The following RAD23A variants were observed in gnomAD, a reference collection of about 807,000 sequenced individuals.
The protein encoded by RAD23A is RAD23 nucleotide excision repair protein A, also known as lysine-specific demethylase RAD23A.
RAD23A carries 16 observed loss-of-function variants against 44.8 expected under a neutral mutation model. The observed-to-expected ratio is 0.36, with a 90% CI of 0.24 to 0.54. RAD23A has a LOEUF of 0.54. Among genes scored for constraint, RAD23A ranks in the 20% least tolerant of loss-of-function variants. RAD23A has a pLI of 0.89. For synonymous variants in RAD23A, 217 were observed against 202.9 expected (o/e 1.07, Z -0.59); for missense variants, 380 against 483.3 (o/e 0.79, Z 2.00).
rs759572714 is a variant in RAD23A, at chr19:12,948,830, G to A, written c.600+17G>A. On this transcript the variant is annotated intron_variant, in intron 5 of 8. Transcript: ENST00000586534. This position sits in a 1 kb window ranked among gnomAD's most constrained non-coding sequence, Gnocchi z 5.5. ...CTGCTCACGGTGAGGTGGGGCTTCC[G>A]CCTCCCGGGGAGGCCTTGAGGGAGT... The A allele has an allele frequency of 5.7e-6, 9 of 1,585,892 alleles. No individual in the cohort carries two copies. Among genetic ancestry groups the A allele is most frequent in the Middle Eastern group, 1.7e-4 (1 of 5,882 alleles).
At chr19:12,949,875 G>T (rs148651661) in intron 7 of RAD23A, among the ~76,000 whole-genome samples, 2 of 151,918 alleles carry the variant, frequency 1.3e-5, no homozygotes, top group African/African-American at 4.8e-5. Flanking sequence ...CAGGAAGAGT[G>T]GGGGAGTGGC....
At chr19:12,946,981 C>T (rs543858188) in intron 1 of RAD23A, among the ~76,000 whole-genome samples, 3 of 152,086 alleles carry the variant, frequency 2.0e-5, no homozygotes, top group African/African-American at 7.2e-5. Flanking sequence ...GGAAGAGGAG[C>T]CCTTGAGCCT....
rs374205508 is a variant in RAD23A at position 12,952,986 on chromosome 19, G to C, written c.1029G>C (p.Ala343=). Reference sequence around the variant, plus strand: ...GCCTGGTCATCCAGGCCTATTTCGCGTGTGAAAAAAATGAGAACTTGGCTG... The same window carrying C: ...GCCTGGTCATCCAGGCCTATTTCGCCTGTGAAAAAAATGAGAACTTGGCTG... ...PESLVIQAYF[A]CEKNENLAAN... is the part of the protein sequence containing the mutation. Residue 343 remains alanine (A), a synonymous_variant, in exon 9 of 9, where the codon GCG becomes GCC. Coordinates refer to ENST00000586534, the MANE Select transcript of RAD23A (RefSeq NM_005053.4). 15 of 1,613,834 alleles carry C rather than the reference G, an allele frequency of 9.3e-6. No individual in the cohort carries two copies. The African/African-American group carries it at 1.1e-4, about 12-fold the overall frequency.
At chr19:12,946,069 T>TGGGGGGGGGGG in intron 1 of RAD23A, 49 bp downstream of exon 1, 1 of 171,592 alleles carries the variant, frequency 5.8e-6, no homozygotes, top group Non-Finnish European at 1.0e-5. Context: ...GTTTCGGGGG[T>TGGGGGGGGGGG]GGGGTGGGGG....
intron 7 of RAD23A, chr19:12,949,683 G>A (rs1971755766): frequency 1.9e-6 from 1 of 513,484 alleles, no homozygotes; most frequent in South Asian, 2.5e-5. Context: ...TCACGCAGCT[G>A]GTAGTGTGTG....
At chr19:12,949,538 C>G (rs1038956467) in intron 7 of RAD23A, 130 bp downstream of exon 7, 103 of 1,252,902 alleles carry the variant, frequency 8.2e-5, no homozygotes, top group Non-Finnish European at 1.1e-4. Context: ...CCCCCACGCC[C>G]CTGTGCTTCC....
chr19:12,949,072 C>A lies in RAD23A; in HGVS notation c.601-9C>A, dbSNP rs1345536798. ...TCTGTGCATTAGAACTAAACAGGACCCCTGACAGGGAATTCCTGGGAGCCC... is the reference window on the plus strand; with the variant it reads ...TCTGTGCATTAGAACTAAACAGGACACCTGACAGGGAATTCCTGGGAGCCC... On this transcript the variant is annotated splice_polypyrimidine_tract_variant and intron_variant, in intron 5 of 8. Coordinates refer to ENST00000586534, the MANE Select transcript of RAD23A (RefSeq NM_005053.4). The A allele has an allele frequency of 3.1e-6, 5 of 1,609,544 alleles. No homozygotes were observed. The highest frequency in any genetic ancestry group is 4.2e-6 in the Non-Finnish European group (5 of 1,178,056).
rs761953111 is a variant in RAD23A, at chr19:12,953,097, G to T, written c.*48G>T. 3.7e-6 allele frequency: 5 copies of T among 1,347,896 alleles called. No homozygotes were observed. In the African/African-American group the frequency reaches 7.4e-5, roughly 20 times the overall value. The allele number at this position is 1,347,896 out of a possible 1,614,324, so 83.5% of individuals were successfully genotyped here. A position where few individuals can be genotyped will look rare whatever the true frequency, so the allele number is the denominator to read the frequency against. ...AGCCCCCACCCTACCCTTATTCCAT[G>T]AAAGTTTTATAAAAGAAAAAATATA... On this transcript the variant is annotated 3_prime_UTR_variant, in exon 9 of 9. Coordinates refer to ENST00000586534, the MANE Select transcript of RAD23A (RefSeq NM_005053.4).
At position 12,948,070 on chromosome 19, in the gene RAD23A, T is replaced by G. The variant is rs907285449; in HGVS notation, c.234+61T>G. The G allele has an allele frequency of 4.4e-6, 7 of 1,607,660 alleles. No homozygotes were observed. The African/African-American group carries it at 6.7e-5, about 15-fold the overall frequency. On this transcript the variant is annotated intron_variant, in intron 2 of 8. Coordinates refer to ENST00000586534, the MANE Select transcript of RAD23A (RefSeq NM_005053.4). This position sits in a 1 kb window ranked among gnomAD's most constrained non-coding sequence, Gnocchi z 5.5. ...CGAGCTGGGGAGCTGGCAAAGAGCC[T>G]GTGTGCCCAGGAGAGATTAGCTGTG...
chr19:12,949,071 C>T lies in RAD23A; in HGVS notation c.601-10C>T, dbSNP rs945194738. 5 of 1,609,530 alleles carry T rather than the reference C, an allele frequency of 3.1e-6. No individual in the cohort carries two copies. The highest frequency in any genetic ancestry group is 4.2e-6 in the Non-Finnish European group (5 of 1,177,930). On this transcript the variant is annotated splice_polypyrimidine_tract_variant and intron_variant, in intron 5 of 8. Transcript: ENST00000586534. ...GTCTGTGCATTAGAACTAAACAGGA[C>T]CCCTGACAGGGAATTCCTGGGAGCC...
chr19:12,950,760 T>C (rs1971790159), intron 7 of RAD23A, among the ~76,000 whole-genome samples: 1 of 152,156 alleles, frequency 6.6e-6, no homozygotes, highest in African/African-American at 2.4e-5. Flanking sequence ...ATGGTAGAGT[T>C]ATATCAGAGC....
In RAD23A at chr19:12,948,563, G is replaced by A. The variant is rs527819221; in HGVS notation, c.472+11G>A. 8 of 1,589,356 alleles carry A rather than the reference G, an allele frequency of 5.0e-6. No homozygotes were observed. The South Asian group carries it at 9.1e-5, about 18-fold the overall frequency. On this transcript the variant is annotated intron_variant, in intron 4 of 8. Transcript: ENST00000586534. This position sits in a 1 kb window ranked among gnomAD's most constrained non-coding sequence, Gnocchi z 5.5. ...CGGCCTCCACGCTAGGTGGGTGGGT[G>A]GTCCCCAGGGCAGAGGTGACTGGGT...
Position 12,946,029 on chromosome 19 carries a change from C to T in RAD23A, c.72+9C>T, listed in dbSNP as rs760590970. On this transcript the variant is annotated intron_variant, in intron 1 of 8. Coordinates refer to ENST00000586534, the MANE Select transcript of RAD23A (RefSeq NM_005053.4). Reference sequence around the variant, plus strand: ...TGGAGCCTGACGAGACGGTGCGGGCCGGGCCGGAGCCCGGGGGCGGGAGCG... The same window carrying T: ...TGGAGCCTGACGAGACGGTGCGGGCTGGGCCGGAGCCCGGGGGCGGGAGCG... 7.9e-6 allele frequency: 8 copies of T among 1,012,430 alleles called. No homozygotes were observed. The highest frequency in any genetic ancestry group is 7.9e-5 in the East Asian group (1 of 12,646). 62.7% of individuals were successfully genotyped at this position (1,012,430 alleles called of 1,614,324 possible).
chr19:12,952,762 A>T lies in RAD23A; in HGVS notation c.887A>T (p.Asp296Val), dbSNP rs773739832. The change falls in exon 8 of 9, where the codon GAT becomes GTT. Residue 296 changes from aspartate (D) to valine (V), a missense_variant. By Grantham distance (152) the Asp-to-Val change is radical. Coordinates refer to ENST00000586534, the MANE Select transcript of RAD23A (RefSeq NM_005053.4). ...CCTGGGGAGCTGGCGGACATCTCAGATGTGGAGGGGGAGGTGGGCGCCATA... is the reference window on the plus strand; with the variant it reads ...CCTGGGGAGCTGGCGGACATCTCAGTTGTGGAGGGGGAGGTGGGCGCCATA... ...EPPGELADIS[D>V]VEGEVGAIGE... The T allele has an allele frequency of 8.7e-6, 14 of 1,613,540 alleles. No individual in the cohort carries two copies. In the South Asian group the frequency reaches 1.2e-4, roughly 14 times the overall value.
intron 1 of RAD23A, among the ~76,000 whole-genome samples, chr19:12,947,254 T>C (rs1025200448): frequency 6.6e-6 from 1 of 152,136 alleles, no homozygotes; most frequent in East Asian, 1.9e-4. Context: ...GAGACTCTTA[T>C]CTACAAAAAA....
rs1971858006 is a variant in RAD23A, at chr19:12,952,992, A to G, written c.1035A>G (p.Glu345=). 1 of 1,613,952 alleles carries G rather than the reference A, an allele frequency of 6.2e-7. No homozygotes were observed. Among genetic ancestry groups the G allele is most frequent in the African/African-American group, 1.3e-5 (1 of 74,894 alleles). ...TCATCCAGGCCTATTTCGCGTGTGA[A>G]AAAAATGAGAACTTGGCTGCCAACT... is the stretch of plus-strand genomic sequence containing the variant. ...SLVIQAYFAC[E]KNENLAANFL... Residue 345 remains glutamate (E), a synonymous_variant, in exon 9 of 9, where the codon GAA becomes GAG. Transcript: ENST00000586534.
At chr19:12,952,487 C>T (rs565380570) in intron 7 of RAD23A, 8 of 606,262 alleles carry the variant, frequency 1.3e-5, no homozygotes, top group Admixed American at 3.3e-5. Context: ...CCACCGTGCC[C>T]GGCTTATTTC....
In RAD23A at chr19:12,948,810, C is replaced by T. The variant is rs1479923450; in HGVS notation, c.597C>T (p.Leu199=). The T allele has an allele frequency of 3.1e-6, 5 of 1,603,434 alleles. No individual in the cohort carries two copies. The highest frequency in any genetic ancestry group is 4.3e-6 in the Non-Finnish European group (5 of 1,176,462). ...NNPHRAVEYL[L]TGIPGSPEPE... Reference sequence around the variant, plus strand: ...CCCACCGAGCCGTGGAGTATCTGCTCACGGTGAGGTGGGGCTTCCGCCTCC... The same window carrying T: ...CCCACCGAGCCGTGGAGTATCTGCTTACGGTGAGGTGGGGCTTCCGCCTCC... Residue 199 remains leucine, a synonymous_variant, in exon 5 of 9, where the codon CTC becomes CTT. Transcript: ENST00000586534. This position sits in a 1 kb window ranked among gnomAD's most constrained non-coding sequence, Gnocchi z 5.5.
At chr19:12,951,042 T>C (rs960242116) in intron 7 of RAD23A, among the ~76,000 whole-genome samples, 5 of 152,100 alleles carry the variant, frequency 3.3e-5, no homozygotes, top group South Asian at 2.1e-4. Context: ...CCAGCCTGGG[T>C]GACAGAGTGA....
Sources: gnomAD v4.1 joint callset for allele counts (sites outside exome capture counted in the v4.1 genomes callset) on GRCh38, gnomAD v4.1.1 for gene constraint, Gnocchi (gnomAD v3.1) non-coding constraint, MANE v1.5 for transcripts, NCBI Gene and HGNC (gene_info 2026-07-23, HGNC 2026-07-21) for gene names.